Variants in COLEC11 observed in about 807,000 individuals in gnomAD.
The protein encoded by COLEC11 is collectin-11.
Under a neutral mutation model 27.3 loss-of-function variants are expected in COLEC11, and 20 were observed. The ratio of observed to expected loss-of-function variants is 0.73; its 90% CI spans 0.51 to 1.06. The LOEUF is 1.06. Ranked by LOEUF, COLEC11 falls within the 50% of genes least tolerant of loss-of-function variation. COLEC11 has a pLI of 0.00. For synonymous variants in COLEC11, 163 were observed against 154.7 expected (o/e 1.05, Z -0.40); for missense variants, 310 against 383.0 (o/e 0.81, Z 1.59).
At chr2:3,641,847 T>G (rs1665891951) in intron 5 of COLEC11, among the ~76,000 whole-genome samples, 1 of 151,982 alleles carries the variant, frequency 6.6e-6, no homozygotes, top group Admixed American at 6.6e-5. Flanking sequence ...CTCTGCCCAG[T>G]GGAAACTGTG....
chr2:3,639,726 A>G (rs996430909), intron 4 of COLEC11, among the ~76,000 whole-genome samples: 7 of 151,736 alleles, frequency 4.6e-5, no homozygotes. Context: ...GGCTTGTCCC[A>G]TCTAACTGGA....
chr2:3,616,741 G>C (rs917772609), intron 3 of COLEC11, among the ~76,000 whole-genome samples: 2 of 152,048 alleles, frequency 1.3e-5, no homozygotes, highest in African/African-American at 2.4e-5. Flanking sequence ...CATCAAGAGG[G>C]AGATCGTGGA....
chr2:3,604,107 C>G (rs1195899695), intron 1 of COLEC11: 1 of 621,172 alleles, frequency 1.6e-6, no homozygotes, highest in Non-Finnish European at 2.9e-6. Flanking sequence ...CACTTGGTGC[C>G]TGGTGCTGAC....
chr2:3,603,841 G>C lies in COLEC11; in HGVS notation c.-26-474G>C, dbSNP rs527530162. The C allele has an allele frequency of 9.5e-6, 6 of 628,716 alleles. No homozygotes were observed. The Admixed American group carries it at 1.1e-4, about 12-fold the overall frequency. The allele number at this position is 628,716 out of a possible 1,614,324, so 38.9% of individuals were successfully genotyped here. ...CTGCCACCTAAGGAGATGTGGGGGC[G>C]TGGATTCCTTGTCTGTGAATGGAGC... is the stretch of plus-strand genomic sequence containing the variant. On this transcript the variant is annotated intron_variant, in intron 1 of 6. Coordinates refer to ENST00000349077, the MANE Select transcript of COLEC11 (RefSeq NM_024027.5).
chr2:3,619,660 C>T (rs1310041629), intron 3 of COLEC11, among the ~76,000 whole-genome samples: 1 of 152,198 alleles, frequency 6.6e-6, no homozygotes, highest in Non-Finnish European at 1.5e-5. Context: ...GAGTCTTGCT[C>T]TGTTGCCCAG....
intron 5 of COLEC11, among the ~76,000 whole-genome samples, chr2:3,642,279 T>C (rs1253586159): frequency 6.6e-6 from 1 of 152,166 alleles, no homozygotes; most frequent in East Asian, 1.9e-4. Context: ...CTCTCAGTGA[T>C]GTCAGATGTG....
chr2:3,627,838 G>A (rs150771557), intron 3 of COLEC11, among the ~76,000 whole-genome samples: 55 of 152,304 alleles, frequency 3.6e-4, no homozygotes, highest in African/African-American at 1.3e-3. Flanking sequence ...CATAACACTG[G>A]GCGTGATGAC....
intron 4 of COLEC11, among the ~76,000 whole-genome samples, chr2:3,639,670 C>T (rs1047842681): frequency 6.6e-6 from 1 of 152,166 alleles, no homozygotes; most frequent in Non-Finnish European, 1.5e-5. Flanking sequence ...TGTTCAACCC[C>T]CTTGTTTTGG....
intron 2 of COLEC11, among the ~76,000 whole-genome samples, chr2:3,612,832 C>A (rs772942052): frequency 8.5e-5 from 13 of 152,118 alleles, no homozygotes; most frequent in Non-Finnish European, 1.6e-4. Context: ...TGAGCAGGAG[C>A]CTGTGCCCTG....
intron 3 of COLEC11, chr2:3,625,958 C>G: frequency 6.7e-7 from 1 of 1,489,082 alleles, no homozygotes; most frequent in African/African-American, 1.4e-5. Flanking sequence ...TTTAACATCT[C>G]TATTATCTGA....
At chr2:3,613,037 A>G (rs1663348975) in intron 2 of COLEC11, among the ~76,000 whole-genome samples, 1 of 145,408 alleles carries the variant, frequency 6.9e-6, no homozygotes, top group East Asian at 1.9e-4. Flanking sequence ...CCAGGGACAG[A>G]CTAGGAGCCC....
chr2:3,603,734 A>C (rs925968256), intron 1 of COLEC11: 3 of 1,468,962 alleles, frequency 2.0e-6, no homozygotes, highest in Middle Eastern at 1.7e-4. Flanking sequence ...CTCGGCCCCC[A>C]CCTCCCCAGG....
intron 2 of COLEC11, among the ~76,000 whole-genome samples, chr2:3,607,449 C>CTTTTTTTTTTTTTTTT (rs377560723): frequency 1.0e-4 from 11 of 109,178 alleles, no homozygotes; most frequent in African/African-American, 1.3e-4. Flanking sequence ...TTTTTTTTTG[C>CTTTTTTTTTTTTTTTT]TTTTTTTTTT....
At chr2:3,625,370 G>A (rs372767648) in intron 3 of COLEC11, among the ~76,000 whole-genome samples, 14 of 152,260 alleles carry the variant, frequency 9.2e-5, no homozygotes, top group African/African-American at 2.6e-4. Context: ...CTGAGACAGC[G>A]TTCTTGGCTG....
chr2:3,615,589 T>A (rs946523354), intron 3 of COLEC11, among the ~76,000 whole-genome samples: 21 of 152,232 alleles, frequency 1.4e-4, no homozygotes, highest in Non-Finnish European at 3.1e-4. Flanking sequence ...TCCCCACATT[T>A]CCCCCTTTTC....
intron 3 of COLEC11, among the ~76,000 whole-genome samples, chr2:3,636,011 A>G (rs1665382422): frequency 1.3e-5 from 2 of 152,256 alleles, no homozygotes; most frequent in Admixed American, 6.5e-5. Flanking sequence ...TCTGTGTTCC[A>G]TCCTCTGGTT....
intron 3 of COLEC11, among the ~76,000 whole-genome samples, chr2:3,631,226 G>A (rs1424145018): frequency 6.6e-6 from 1 of 150,894 alleles, no homozygotes; most frequent in Non-Finnish European, 1.5e-5. Context: ...GCAAGACTCT[G>A]TATCAAAAAA....
intron 3 of COLEC11, among the ~76,000 whole-genome samples, chr2:3,627,449 CAAT>C (rs1452918938): frequency 6.9e-6 from 1 of 144,940 alleles, no homozygotes; most frequent in Non-Finnish European, 1.5e-5. Context: ...GATCTGGGCA[CAAT>C]GACACTGGGC....
At chr2:3,626,654 T>A (rs1174689107) in intron 3 of COLEC11, among the ~76,000 whole-genome samples, 1 of 152,242 alleles carries the variant, frequency 6.6e-6, no homozygotes, top group Admixed American at 6.5e-5. Context: ...CTGACATTCT[T>A]TCTGATAATC....
Sources: gnomAD v4.1 joint callset for allele counts (sites outside exome capture counted in the v4.1 genomes callset) on GRCh38, gnomAD v4.1.1 for gene constraint, MANE v1.5 for transcripts, NCBI Gene and HGNC (gene_info 2026-07-23, HGNC 2026-07-21) for gene names.